The following RBFOX1 variants were observed in gnomAD, a reference collection of about 807,000 sequenced individuals.
RBFOX1 encodes RNA binding protein fox-1 homolog 1.
A neutral mutation model predicts 57.7 loss-of-function variants in RBFOX1; 8 were observed. The ratio of observed to expected loss-of-function variants is 0.14; its 90% CI spans 0.08 to 0.25. The LOEUF is 0.25. RBFOX1 is among the 10% of genes least tolerant of loss of function. The pLI is 1.00. For synonymous variants in RBFOX1, 326 were observed against 222.4 expected (o/e 1.47, Z -4.15); for missense variants, 611 against 548.5 (o/e 1.11, Z -1.14).
chr16:7,617,275 T>C (rs2058602122), intron 10 of RBFOX1, among the ~76,000 whole-genome samples: 2 of 152,216 alleles, frequency 1.3e-5, no homozygotes, highest in African/African-American at 4.8e-5. Flanking sequence ...AAAGTAGCCA[T>C]AGACAATGTG....
rs576399706 is a variant in RBFOX1, at chr16:6,722,308, T to G, written c.-16+67658T>G. Among the ~76,000 whole-genome samples the G allele has an allele frequency of 2.2e-4, 30 of 137,012 alleles. 2 individuals carry two copies. In the South Asian group the frequency reaches 7.0e-3, roughly 32 times the overall value. 89.9% of individuals were successfully genotyped at this position (137,012 alleles called of 152,430 possible). On this transcript the variant is annotated intron_variant, in intron 3 of 15. Transcript: ENST00000550418. ...CACTTCTCCACAGCCTCGCCAACTT[T>G]TGTTATTTTCTGTTTTTGTTTGCTT... is the stretch of plus-strand genomic sequence containing the variant.
intron 4 of RBFOX1, among the ~76,000 whole-genome samples, chr16:5,999,881 A>T (rs1225959555): frequency 2.1e-5 from 1 of 46,558 alleles, no homozygotes; most frequent in Non-Finnish European, 4.4e-5. Flanking sequence ...AAAAAAAAAA[A>T]AAAAAAAAAA....
intron 4 of RBFOX1, among the ~76,000 whole-genome samples, chr16:7,263,350 A>C (rs944939865): frequency 6.6e-6 from 1 of 152,076 alleles, no homozygotes; most frequent in African/African-American, 2.4e-5. Context: ...AAGCCCCAGA[A>C]TTTCGATGTT....
intron 2 of RBFOX1, among the ~76,000 whole-genome samples, chr16:6,428,904 G>A (rs985882295): frequency 1.3e-5 from 2 of 152,186 alleles, no homozygotes; most frequent in Admixed American, 6.5e-5. Flanking sequence ...TCAAAGTATC[G>A]TGTAGGAAGT....
rs140859277 is a variant in RBFOX1 at position 6,965,629 on chromosome 16, G to A, written c.-15-86428G>A. On this transcript the variant is annotated intron_variant, in intron 3 of 15. Coordinates refer to ENST00000550418, the MANE Select transcript of RBFOX1 (RefSeq NM_018723.4). ...TGAGATGACAGGCATGAGCCACTGC[G>A]CCTGGCTGACAAATCCAGTTTTCAC... is the stretch of plus-strand genomic sequence containing the variant. Among the ~76,000 whole-genome samples, 933 of 152,280 alleles carry A rather than the reference G, an allele frequency of 6.1e-3. 14 individuals carry two copies. The highest frequency in any genetic ancestry group is 0.021 in the African/African-American group (881 of 41,544).
intron 3 of RBFOX1, among the ~76,000 whole-genome samples, chr16:6,791,682 C>A (rs1056849727): frequency 6.6e-6 from 1 of 152,126 alleles, no homozygotes; most frequent in African/African-American, 2.4e-5. Context: ...TTGCTTGAAC[C>A]TGGGAGGCAG....
intron 2 of RBFOX1, among the ~76,000 whole-genome samples, chr16:6,500,531 C>T (rs1435542644): frequency 1.3e-5 from 2 of 152,190 alleles, no homozygotes; most frequent in East Asian, 1.9e-4. Flanking sequence ...ATTAAGTCAT[C>T]TCAGGAATGT....
rs190133191 is a variant in RBFOX1, at chr16:6,736,231, C to G, written c.-16+81581C>G. ...GGGGTACAGTTGGTATTTGCATACA[C>G]GAGTAAGTTCTTTAGTGGTGATTTG... is the stretch of plus-strand genomic sequence containing the variant. On this transcript the variant is annotated intron_variant, in intron 3 of 15. Coordinates refer to ENST00000550418, the MANE Select transcript of RBFOX1 (RefSeq NM_018723.4). 4.1e-3 allele frequency among the ~76,000 whole-genome samples: 620 copies of G among 152,092 alleles called. 1 individual carries two copies. The highest frequency in any genetic ancestry group is 0.014 in the African/African-American group (584 of 41,494).
At position 5,328,968 on chromosome 16, in the gene RBFOX1, C is replaced by G. The variant is rs1037762885; in HGVS notation, c.219+88863C>G. Among the ~76,000 whole-genome samples, 28 of 152,332 alleles carry G rather than the reference C, an allele frequency of 1.8e-4. 4 individuals are homozygous for G. Among genetic ancestry groups the G allele is most frequent in the Admixed American group, 1.7e-3 (26 of 15,304 alleles). Reference sequence around the variant, plus strand: ...GGAGATGCTTCCGAATACTTTATTTCTCATAAATCTGTCTCTTGGTCTAAG... The same window carrying G: ...GGAGATGCTTCCGAATACTTTATTTGTCATAAATCTGTCTCTTGGTCTAAG... On this transcript the variant is annotated intron_variant, in intron 1 of 2. Coordinates refer to the RBFOX1 transcript ENST00000585867.
intron 3 of RBFOX1, among the ~76,000 whole-genome samples, chr16:6,680,521 C>G (rs2058491620): frequency 6.6e-6 from 1 of 152,060 alleles, no homozygotes; most frequent in South Asian, 2.1e-4. Context: ...CCTCGGCCTC[C>G]CAAAGTGCTG....
At position 7,505,979 on chromosome 16, in the gene RBFOX1, G is replaced by T. The variant is rs1282414540; in HGVS notation, c.28-12168G>T. Among the ~76,000 whole-genome samples, 4 of 151,812 alleles carry T rather than the reference G, an allele frequency of 2.6e-5. No homozygotes were observed. In the East Asian group the frequency reaches 5.8e-4, roughly 22 times the overall value. On this transcript the variant is annotated intron_variant, in intron 4 of 15. Coordinates refer to ENST00000550418, the MANE Select transcript of RBFOX1 (RefSeq NM_018723.4). ...GGTGAGTGGATCACAAGGTCAGGAG[G>T]TTGAGACCATCCTGTCTAACATGGT...
At chr16:7,374,015 A>G (rs2097634618) in intron 4 of RBFOX1, among the ~76,000 whole-genome samples, 1 of 152,238 alleles carries the variant, frequency 6.6e-6, no homozygotes, top group Non-Finnish European at 1.5e-5. Context: ...GATATGAGCC[A>G]TAAAACTTGA....
chr16:6,439,040 A>G (rs2094309579), intron 2 of RBFOX1, among the ~76,000 whole-genome samples: 1 of 152,134 alleles, frequency 6.6e-6, no homozygotes, highest in Non-Finnish European at 1.5e-5. Flanking sequence ...GATGTCCTGG[A>G]AACTGACCCC....
chr16:7,132,503 A>G (rs1477481976), intron 4 of RBFOX1, among the ~76,000 whole-genome samples: 2 of 151,064 alleles, frequency 1.3e-5, no homozygotes, highest in Non-Finnish European at 2.9e-5. Flanking sequence ...CTTGAATAAC[A>G]TAAGACAAAT....
chr16:5,283,412 G>C (rs1385422481), intron 1 of RBFOX1, among the ~76,000 whole-genome samples: 6 of 152,108 alleles, frequency 3.9e-5, no homozygotes, highest in African/African-American at 1.4e-4. Context: ...TGTACTGTGT[G>C]CCTGGAAAAG....
chr16:6,136,227 C>G (rs2096666317), intron 1 of RBFOX1, among the ~76,000 whole-genome samples: 1 of 152,134 alleles, frequency 6.6e-6, no homozygotes, highest in South Asian at 2.1e-4. Context: ...ACTTGCTTCC[C>G]CAGCAGTCCA....
At chr16:5,334,678 T>C (rs2064850687) in intron 1 of RBFOX1, among the ~76,000 whole-genome samples, 1 of 152,012 alleles carries the variant, frequency 6.6e-6, no homozygotes, top group African/African-American at 2.4e-5. Flanking sequence ...ACATATATAA[T>C]AAATACAAAA....
intron 3 of RBFOX1, among the ~76,000 whole-genome samples, chr16:7,002,565 T>G (rs981728984): frequency 1.3e-5 from 2 of 151,860 alleles, no homozygotes; most frequent in African/African-American, 4.8e-5. Flanking sequence ...TACAAAAATT[T>G]GCTGGGCGTG....
intron 3 of RBFOX1, among the ~76,000 whole-genome samples, chr16:6,890,776 A>G (rs1458577733): frequency 6.6e-6 from 1 of 152,140 alleles, no homozygotes; most frequent in East Asian, 1.9e-4. Context: ...AAGCTTTTTT[A>G]ACCTACGTAC....
Sources: allele counts gnomAD v4.1 joint callset (sites outside exome capture counted in the v4.1 genomes callset), GRCh38; gene constraint gnomAD v4.1.1; transcripts MANE v1.5; gene names NCBI Gene and HGNC (gene_info 2026-07-23, HGNC 2026-07-21).